IGFL2: variants seen among roughly 807,000 people sequenced by gnomAD.
IGFL2 encodes the protein insulin growth factor-like family member 2.
Under a neutral mutation model 13.9 loss-of-function variants are expected in IGFL2, and 7 were observed. That is an observed-to-expected ratio of 0.51 (90% CI 0.29 to 0.95). IGFL2 has a LOEUF of 0.95. Among genes scored for constraint, IGFL2 ranks in the 40% least tolerant of loss-of-function variants. The pLI is 0.08. For synonymous variants in IGFL2, 55 were observed against 55.8 expected (o/e 0.99, Z 0.07); for missense variants, 138 against 147.8 (o/e 0.93, Z 0.34).
At chr19:46,088,185 TTTCAGATGATC>T in the IGFL2 span, among the ~76,000 whole-genome samples, 1 of 152,230 alleles carries the variant, frequency 6.6e-6, no homozygotes, top group African/African-American at 2.4e-5. Flanking sequence ...TAATGTCCTC[TTTCAGATGATC>T]TATTTGAAGT....
At chr19:46,210,966 G>T in the IGFL2 span, among the ~76,000 whole-genome samples, 1 of 152,206 alleles carries the variant, frequency 6.6e-6, no homozygotes, top group African/African-American at 2.4e-5. Flanking sequence ...AGAGGGCCTT[G>T]CAGGTGGGGT....
intron 1 of IGFL2, among the ~76,000 whole-genome samples, chr19:46,152,276 T>C (rs1973541297): frequency 6.6e-6 from 1 of 151,618 alleles, no homozygotes; most frequent in African/African-American, 2.4e-5. Flanking sequence ...GTTTTTTTTT[T>C]TTTTTCTTTT....
At chr19:46,196,586 G>C in the IGFL2 span, among the ~76,000 whole-genome samples, 1 of 152,178 alleles carries the variant, frequency 6.6e-6, no homozygotes, top group African/African-American at 2.4e-5. Flanking sequence ...CCCCAGCTGA[G>C]CCTCCAGCTC....
chr19:46,088,469 A>G, the IGFL2 span, among the ~76,000 whole-genome samples: 4 of 152,358 alleles, frequency 2.6e-5, no homozygotes, highest in East Asian at 3.9e-4. Flanking sequence ...CTTCAATTGT[A>G]ACATATATAT....
chr19:46,151,278 G>A (rs1973472545), intron 1 of IGFL2, among the ~76,000 whole-genome samples: 1 of 152,184 alleles, frequency 6.6e-6, no homozygotes, highest in Non-Finnish European at 1.5e-5. Context: ...TGTATGGTAT[G>A]AGGAAGAGAT....
the IGFL2 span, among the ~76,000 whole-genome samples, chr19:46,080,973 T>C: frequency 2.6e-5 from 4 of 152,238 alleles, no homozygotes; most frequent in Non-Finnish European, 4.4e-5. Flanking sequence ...CTCCCTGTGC[T>C]TTTACTGCCA....
chr19:46,105,142 A>G, the IGFL2 span, among the ~76,000 whole-genome samples: 3 of 152,188 alleles, frequency 2.0e-5, no homozygotes, highest in Non-Finnish European at 4.4e-5. Flanking sequence ...CCTTGAGAAG[A>G]GTTTTTATTA....
the IGFL2 span, among the ~76,000 whole-genome samples, chr19:46,105,532 G>A: frequency 6.6e-6 from 1 of 152,182 alleles, no homozygotes; most frequent in East Asian, 1.9e-4. Context: ...AGTTATGGGG[G>A]TCAGGTGGGG....
At chr19:46,136,687 T>C in the IGFL2 span, 1 of 471,218 alleles carries the variant, frequency 2.1e-6, no homozygotes, top group African/African-American at 2.0e-5. Context: ...GCAATTCATC[T>C]CTTGCCATCA....
chr19:46,127,857 G>A, the IGFL2 span, among the ~76,000 whole-genome samples: 1 of 152,122 alleles, frequency 6.6e-6, no homozygotes, highest in South Asian at 2.1e-4. Context: ...GGAGCCACTG[G>A]CCACAGAAGT....
At chr19:46,124,331 A>G in the IGFL2 span, 1 of 1,606,554 alleles carries the variant, frequency 6.2e-7, no homozygotes, top group Middle Eastern at 1.7e-4. Flanking sequence ...GCTAAGGGAG[A>G]AAGGAAAAAG....
the IGFL2 span, among the ~76,000 whole-genome samples, chr19:46,129,276 C>T: frequency 3.5e-5 from 5 of 144,402 alleles, no homozygotes; most frequent in South Asian, 1.1e-3. Flanking sequence ...TAATTTTTTT[C>T]AAAAAACCAA....
downstream of IGFL2, among the ~76,000 whole-genome samples, chr19:46,165,481 C>G (rs1974356032): frequency 6.6e-6 from 1 of 152,220 alleles, no homozygotes; most frequent in African/African-American, 2.4e-5. Context: ...CAGAGTGTGG[C>G]CAAATAGCAT....
At chr19:46,086,725 C>T in the IGFL2 span, among the ~76,000 whole-genome samples, 1 of 152,222 alleles carries the variant, frequency 6.6e-6, no homozygotes, top group South Asian at 2.1e-4. Context: ...ACGTTGATAT[C>T]TGCACATCTG....
chr19:46,157,202 A>G (rs1243460162), intron 1 of IGFL2, among the ~76,000 whole-genome samples: 1 of 152,204 alleles, frequency 6.6e-6, no homozygotes, highest in African/African-American at 2.4e-5. Flanking sequence ...ATGTTTAAAA[A>G]GAAATTGACA....
chr19:46,121,960 T>C, the IGFL2 span, among the ~76,000 whole-genome samples: 1 of 151,006 alleles, frequency 6.6e-6, no homozygotes, highest in African/African-American at 2.5e-5. Context: ...AATGTAAAAA[T>C]GTAAAAACAA....
At chr19:46,182,825 C>T in the IGFL2 span, among the ~76,000 whole-genome samples, 1 of 152,124 alleles carries the variant, frequency 6.6e-6, no homozygotes, top group Admixed American at 6.5e-5. Context: ...TCCCTACACT[C>T]CTGCCCTCTG....
chr19:46,137,532 C>A, the IGFL2 span: 6 of 1,081,316 alleles, frequency 5.5e-6, no homozygotes, highest in Admixed American at 1.7e-5. Context: ...GAAGGAAGGT[C>A]CAAGGGAATG....
At chr19:46,179,692 C>A in the IGFL2 span, among the ~76,000 whole-genome samples, 2 of 152,180 alleles carry the variant, frequency 1.3e-5, no homozygotes, top group South Asian at 4.2e-4. Context: ...TTTGGGAGGC[C>A]ACGAGGGGAG....
Sources: gnomAD v4.1 joint callset for allele counts (sites outside exome capture counted in the v4.1 genomes callset) on GRCh38, gnomAD v4.1.1 for gene constraint, MANE v1.5 for transcripts, NCBI Gene and HGNC (gene_info 2026-07-23, HGNC 2026-07-21) for gene names.